The following ADA variants were observed in gnomAD, a reference collection of about 807,000 sequenced individuals.
The protein encoded by ADA is adenosine aminohydrolase.
A neutral mutation model predicts 49.0 loss-of-function variants in ADA; 45 were observed. That is an observed-to-expected ratio of 0.92 (90% CI 0.72 to 1.18). The LOEUF (loss-of-function observed/expected upper bound fraction) is 1.18. ADA is among the 50% of genes most tolerant of loss of function. The pLI, the probability that ADA is intolerant of heterozygous loss-of-function variation, is 0.00. For missense variants in ADA, 445 were observed against 472.5 expected, an observed-to-expected ratio of 0.94 and a Z score of 0.54; for synonymous variants, 173 against 184.2, an observed-to-expected ratio of 0.94 and a Z score of 0.49.
chr20:44,625,668 C>A lies in ADA; in HGVS notation c.379G>T (p.Asp127Tyr). Residue 127 changes from aspartate to tyrosine, a missense_variant, in exon 5 of 12, where the codon GAC becomes TAC. By Grantham distance (160) the Asp-to-Tyr change is radical (BLOSUM62 -3). Transcript: ENST00000372874. ...TGGCCCACTAGGGCCACCACCTCGT[C>A]TGGGGTGAGGTCCCCTCTGTGTGAG... ...WNQAEGDLTP[D>Y]EVVALVGQGL... 1 of 1,564,834 alleles carries A rather than the reference C, an allele frequency of 6.4e-7. No homozygotes were observed.
intron 1 of ADA, among the ~76,000 whole-genome samples, chr20:44,646,351 G>C (rs918439661): frequency 3.3e-5 from 5 of 152,212 alleles, no homozygotes; most frequent in Non-Finnish European, 7.3e-5. Context: ...GGGTAAGGCA[G>C]GCTCTTCCTA....
At chr20:44,623,559 C>T (rs555902069) in intron 6 of ADA, among the ~76,000 whole-genome samples, 1 of 152,294 alleles carries the variant, frequency 6.6e-6, no homozygotes, top group South Asian at 2.1e-4. Flanking sequence ...CCAGAGAAGA[C>T]ACAGTGTTGC....
chr20:44,636,867 A>T (rs450043), intron 1 of ADA, among the ~76,000 whole-genome samples: 2 of 152,136 alleles, frequency 1.3e-5, no homozygotes, highest in Admixed American at 1.3e-4. Context: ...GTGCAGTGAC[A>T]TGATCTCCTC....
chr20:44,640,363 G>A (rs1183238595), intron 1 of ADA, among the ~76,000 whole-genome samples: 2 of 151,604 alleles, frequency 1.3e-5, no homozygotes, highest in South Asian at 2.1e-4. Context: ...GCAGTGAGCC[G>A]AGATTGAGCC....
chr20:44,636,050 C>T lies in ADA; in HGVS notation c.95+177G>A, dbSNP rs1799880. 3 of 654,826 alleles carry T rather than the reference C, an allele frequency of 4.6e-6. No homozygotes were observed. The South Asian group carries it at 5.4e-5, about 12-fold the overall frequency. The allele number at this position is 654,826 out of a possible 1,614,324, so 40.6% of individuals were successfully genotyped here. On this transcript the variant is annotated intron_variant, in intron 2 of 11. Coordinates refer to ENST00000372874, the MANE Select transcript of ADA (RefSeq NM_000022.4). ...AGCTCAGGAGTTGGTCTGCGGGTCT[C>T]CAGCTCAGTGCTGAGGCCTCCATGT... is the stretch of plus-strand genomic sequence containing the variant.
At chr20:44,638,954 G>C (rs545745866) in intron 1 of ADA, among the ~76,000 whole-genome samples, 6 of 152,266 alleles carry the variant, frequency 3.9e-5, no homozygotes, top group African/African-American at 1.4e-4. Context: ...CCCTATGGCA[G>C]GAGAAAACGG....
intron 1 of ADA, among the ~76,000 whole-genome samples, chr20:44,639,420 TTTG>T (rs1169254780): frequency 1.3e-5 from 2 of 151,948 alleles, no homozygotes; most frequent in Admixed American, 6.6e-5. Context: ...CCTTTTGTTT[TTTG>T]TTTTTTTAAG....
chr20:44,623,214 C>A, intron 6 of ADA, 136 bp from the exon 7 acceptor site: 1 of 1,278,564 alleles, frequency 7.8e-7, no homozygotes. Flanking sequence ...TGGTCTTTTA[C>A]CCTCCAAGTC....
At chr20:44,623,159 G>T in intron 6 of ADA, 81 bp from the exon 7 acceptor site, 1 of 1,597,464 alleles carries the variant, frequency 6.3e-7, no homozygotes. Flanking sequence ...TGTGGAGATT[G>T]AACCATCCTA....
At chr20:44,649,666 A>G (rs959098726) in intron 1 of ADA, among the ~76,000 whole-genome samples, 1 of 151,648 alleles carries the variant, frequency 6.6e-6, no homozygotes, top group Non-Finnish European at 1.5e-5. Flanking sequence ...GTCTGCAACA[A>G]GTGCTCTAGA....
At chr20:44,626,264 C>T (rs1335447704) in intron 4 of ADA, 192 bp downstream of exon 4, 30 of 771,358 alleles carry the variant, frequency 3.9e-5, no homozygotes, top group Non-Finnish European at 4.5e-5. Context: ...AAGAACATAA[C>T]GGCAAAGGGA....
At chr20:44,648,185 A>G (rs1034377534) in intron 1 of ADA, among the ~76,000 whole-genome samples, 2 of 152,106 alleles carry the variant, frequency 1.3e-5, no homozygotes, top group Non-Finnish European at 2.9e-5. Context: ...ACCTGTGAAC[A>G]TAGGCTGATA....
chr20:44,623,118 A>C, intron 6 of ADA, 40 bp from the exon 7 acceptor site: 1 of 1,612,584 alleles, frequency 6.2e-7, no homozygotes, highest in African/African-American at 1.3e-5. Flanking sequence ...CCCTAGCGGG[A>C]GGGCCCCGGC....
chr20:44,627,744 G>A (rs1360447130), intron 3 of ADA, among the ~76,000 whole-genome samples: 1 of 152,202 alleles, frequency 6.6e-6, no homozygotes, highest in East Asian at 1.9e-4. Context: ...AGAAATGAGA[G>A]AAAAGGACAC....
At chr20:44,624,481 C>T in intron 5 of ADA, 152 bp from the exon 6 acceptor site, 2 of 1,082,972 alleles carry the variant, frequency 1.8e-6, no homozygotes, top group Non-Finnish European at 2.7e-6. Flanking sequence ...GTCCTAACCA[C>T]ATGGCCTGCG....
At position 44,636,432 on chromosome 20, in the gene ADA, AT is replaced by A. The variant is rs1019727058; in HGVS notation, c.34-145del. 1.7e-5 allele frequency: 12 copies of A among 718,100 alleles called. No individual in the cohort carries two copies. In the African/African-American group the frequency reaches 2.1e-4, roughly 12 times the overall value. 44.5% of individuals were successfully genotyped at this position (718,100 alleles called of 1,614,324 possible). On this transcript the variant is annotated intron_variant, in intron 1 of 11. Coordinates refer to ENST00000372874, the MANE Select transcript of ADA (RefSeq NM_000022.4). ...ATTTTACTGGCTGGCTGCTGACCCC[AT>A]ATACTTCGGTAAACTCTGTACTGCA...
At position 44,619,887 on chromosome 20, in the gene ADA, T is replaced by G. The variant is rs199526692; in HGVS notation, c.1079-40A>C. On this transcript the variant is annotated intron_variant, in intron 11 of 11. Transcript: ENST00000372874. Reference sequence around the variant, plus strand: ...AGAGAAGCAAAAAGATCAGGCAACTTGTAGTACCCAGGATGTTGTAAAAAT... The same window carrying G: ...AGAGAAGCAAAAAGATCAGGCAACTGGTAGTACCCAGGATGTTGTAAAAAT... 469 of 1,613,878 alleles carry G rather than the reference T, an allele frequency of 2.9e-4. 6 individuals carry two copies. In the South Asian group the frequency reaches 4.3e-3, roughly 15 times the overall value.
chr20:44,629,030 G>A lies in ADA; in HGVS notation c.218+17C>T. ...GATCAATGCTGCCCTAGGACCTGTG[G>A]GTTGGGGGCAACTCACGCGATAGCA... On this transcript the variant is annotated intron_variant, in intron 3 of 11. Transcript: ENST00000372874. 2 of 1,614,150 alleles carry A rather than the reference G, an allele frequency of 1.2e-6. No individual in the cohort carries two copies. Among genetic ancestry groups the A allele is most frequent in the Non-Finnish European group, 1.7e-6 (2 of 1,180,034 alleles).
chr20:44,619,727 G>A lies in ADA; in HGVS notation c.*107C>T. On this transcript the variant is annotated 3_prime_UTR_variant, in exon 12 of 12. Transcript: ENST00000372874. Reference sequence around the variant, plus strand: ...ATAGGGTTCAGGAGCATCAGTAACTGACTATTGAGATCATGGTCTTCTTGG... The same window carrying A: ...ATAGGGTTCAGGAGCATCAGTAACTAACTATTGAGATCATGGTCTTCTTGG... The A allele has an allele frequency of 6.9e-7, 1 of 1,443,182 alleles. No individual in the cohort carries two copies. The highest frequency in any genetic ancestry group is 1.1e-5 in the South Asian group (1 of 86,994). 89.4% of individuals were successfully genotyped at this position (1,443,182 alleles called of 1,614,324 possible).
Sources: gnomAD v4.1 joint callset for allele counts (sites outside exome capture counted in the v4.1 genomes callset) on GRCh38, gnomAD v4.1.1 for gene constraint, MANE v1.5 for transcripts, NCBI Gene and HGNC (gene_info 2026-07-23, HGNC 2026-07-21) for gene names.